Variants in LRRC3B observed in about 807,000 individuals in gnomAD.
LRRC3B encodes the protein leucine rich repeat containing 3B.
In LRRC3B, 2 loss-of-function variants were observed where a neutral mutation model predicts 12.8. That is an observed-to-expected ratio of 0.16 (90% CI 0.06 to 0.49). The LOEUF (loss-of-function observed/expected upper bound fraction) is 0.49, where lower values mean the gene tolerates loss of function less well. Ranked by LOEUF, LRRC3B falls within the 20% of genes least tolerant of loss-of-function variation. The pLI is 0.96. For missense variants in LRRC3B, 189 were observed against 319.4 expected (o/e 0.59, Z 3.11); for synonymous variants, 132 against 122.0 (o/e 1.08, Z -0.54).
At chr3:26,639,751 G>A (rs900202439) in intron 1 of LRRC3B, among the ~76,000 whole-genome samples, 2 of 152,042 alleles carry the variant, frequency 1.3e-5, no homozygotes, top group African/African-American at 4.8e-5. Flanking sequence ...TGTCTTTCCA[G>A]TTTTTAGTTG....
chr3:26,629,595 G>A (rs1698709790), intron 1 of LRRC3B, among the ~76,000 whole-genome samples: 1 of 152,150 alleles, frequency 6.6e-6, no homozygotes, highest in Non-Finnish European at 1.5e-5. Flanking sequence ...CCAGGCTGCT[G>A]ATCTTCTCTA....
In LRRC3B at chr3:26,671,818, G is replaced by T. The variant is rs1159856487; in HGVS notation, c.-160-37695G>T. Among the ~76,000 whole-genome samples the T allele has an allele frequency of 2.0e-5, 3 of 152,102 alleles. 1 individual carries two copies. The East Asian group carries it at 5.8e-4, about 29-fold the overall frequency. ...ATTAATTTAACCAGAACCACACTTTGGGCCTTTAGATATCTGTCCTAGAAT... is the reference window on the plus strand; with the variant it reads ...ATTAATTTAACCAGAACCACACTTTTGGCCTTTAGATATCTGTCCTAGAAT... On this transcript the variant is annotated intron_variant, in intron 1 of 1. Transcript: ENST00000396641.
chr3:26,641,064 G>A (rs970874677), intron 1 of LRRC3B, among the ~76,000 whole-genome samples: 16 of 152,200 alleles, frequency 1.1e-4, no homozygotes, highest in African/African-American at 3.9e-4. Context: ...CACTTAGTAG[G>A]GACCGTGAAG....
At chr3:26,658,523 G>A (rs529496559) in intron 1 of LRRC3B, among the ~76,000 whole-genome samples, 3 of 152,322 alleles carry the variant, frequency 2.0e-5, no homozygotes, top group African/African-American at 7.2e-5. Context: ...TTTCTAACAA[G>A]TTTTCCAGGG....
chr3:26,696,750 A>G (rs1266814545), intron 1 of LRRC3B, among the ~76,000 whole-genome samples: 1 of 152,142 alleles, frequency 6.6e-6, no homozygotes, highest in Non-Finnish European at 1.5e-5. Flanking sequence ...TCATCCCTAG[A>G]TCATAATTTA....
At chr3:26,680,482 G>A (rs1699948696) in intron 1 of LRRC3B, among the ~76,000 whole-genome samples, 2 of 152,166 alleles carry the variant, frequency 1.3e-5, no homozygotes, top group African/African-American at 4.8e-5. Flanking sequence ...ATTTCCCCAA[G>A]GTGTCTGGGA....
rs922043967 is a variant in LRRC3B, at chr3:26,642,974, A to G, written c.-161+19737A>G. ...AGAGGTTGCAGAGAGCCGAGATCAC[A>G]CCACTGCACTCCAGCCTGGTGACAG... On this transcript the variant is annotated intron_variant, in intron 1 of 1. Transcript: ENST00000396641. 2.0e-5 allele frequency among the ~76,000 whole-genome samples: 3 copies of G among 150,556 alleles called. 1 individual carries two copies. The East Asian group carries it at 6.0e-4, about 30-fold the overall frequency.
intron 1 of LRRC3B, among the ~76,000 whole-genome samples, chr3:26,648,827 G>A (rs533021709): frequency 1.3e-5 from 2 of 152,280 alleles, no homozygotes; most frequent in African/African-American, 4.8e-5. Flanking sequence ...CTTGTAATAT[G>A]GACTCTGCCT....
chr3:26,663,465 G>A (rs577678133), intron 1 of LRRC3B, among the ~76,000 whole-genome samples: 1 of 152,152 alleles, frequency 6.6e-6, no homozygotes, highest in South Asian at 2.1e-4. Context: ...TCCATTTAAT[G>A]TAATCATGCC....
chr3:26,710,013 C>T, exon 2 of LRRC3B: 1 of 1,614,078 alleles, frequency 6.2e-7, no homozygotes, highest in Non-Finnish European at 8.5e-7. Context: ...GTAGCTGAAA[C>T]CTTGCAGACT....
At chr3:26,641,094 A>G (rs1190960197) in intron 1 of LRRC3B, among the ~76,000 whole-genome samples, 1 of 152,224 alleles carries the variant, frequency 6.6e-6, no homozygotes, top group Non-Finnish European at 1.5e-5. Flanking sequence ...GAAGAAATCT[A>G]TGGCAGGTAT....
chr3:26,657,480 T>A (rs1251278793), intron 1 of LRRC3B, among the ~76,000 whole-genome samples: 1 of 152,216 alleles, frequency 6.6e-6, no homozygotes, highest in Non-Finnish European at 1.5e-5. Flanking sequence ...AACATGGAAC[T>A]CTTACAACTC....
At chr3:26,686,062 G>C (rs1401580116) in intron 1 of LRRC3B, among the ~76,000 whole-genome samples, 2 of 151,968 alleles carry the variant, frequency 1.3e-5, no homozygotes, top group Non-Finnish European at 2.9e-5. Flanking sequence ...CTTTGCCTAG[G>C]TAAATGGTTA....
At chr3:26,651,391 C>T (rs1699261531) in intron 1 of LRRC3B, among the ~76,000 whole-genome samples, 1 of 152,102 alleles carries the variant, frequency 6.6e-6, no homozygotes, top group Admixed American at 6.5e-5. Context: ...GTTTTTCTTC[C>T]CATGCTTGTC....
intron 1 of LRRC3B, among the ~76,000 whole-genome samples, chr3:26,691,502 C>A (rs1700193951): frequency 2.0e-5 from 3 of 152,050 alleles, no homozygotes; most frequent in Admixed American, 1.3e-4. Flanking sequence ...GACTCTGTAA[C>A]CAGATTTTTG....
At chr3:26,704,319 C>T (rs1023966874) in intron 1 of LRRC3B, among the ~76,000 whole-genome samples, 1 of 151,968 alleles carries the variant, frequency 6.6e-6, no homozygotes, top group East Asian at 1.9e-4. Context: ...CCAAATTGCT[C>T]GTATGACAAG....
intron 1 of LRRC3B, among the ~76,000 whole-genome samples, chr3:26,641,735 C>A (rs1406984668): frequency 1.3e-5 from 2 of 151,798 alleles, no homozygotes; most frequent in Non-Finnish European, 2.9e-5. Flanking sequence ...GGCGGAGTAA[C>A]TTGATAAAAT....
At chr3:26,704,804 G>A (rs1046837889) in intron 1 of LRRC3B, among the ~76,000 whole-genome samples, 1 of 152,088 alleles carries the variant, frequency 6.6e-6, no homozygotes, top group Non-Finnish European at 1.5e-5. Context: ...CTTTGCTTAT[G>A]ACCTTAACTT....
At chr3:26,656,661 G>A (rs188851238) in intron 1 of LRRC3B, among the ~76,000 whole-genome samples, 164 of 152,276 alleles carry the variant, frequency 1.1e-3, no homozygotes, top group African/African-American at 3.7e-3. Flanking sequence ...AGAGAGACCC[G>A]TATTAGGGAA....
Sources: gnomAD v4.1 joint callset for allele counts (sites outside exome capture counted in the v4.1 genomes callset) on GRCh38, gnomAD v4.1.1 for gene constraint, MANE v1.5 for transcripts, NCBI Gene and HGNC (gene_info 2026-07-23, HGNC 2026-07-21) for gene names.